The following PAPSS1 variants were observed in gnomAD, a reference collection of about 807,000 sequenced individuals.
The protein encoded by PAPSS1 is bifunctional 3'-phosphoadenosine 5'-phosphosulfate synthase 1.
PAPSS1 carries 50 observed loss-of-function variants against 72.0 expected under a neutral mutation model. The ratio of observed to expected loss-of-function variants is 0.69; its 90% CI spans 0.55 to 0.88. The LOEUF is 0.88. PAPSS1 is among the 40% of genes least tolerant of loss of function. The probability of loss-of-function intolerance (pLI) is 0.00; values close to 1 mark genes in which losing one functional copy is unlikely to be tolerated. For synonymous variants in PAPSS1, 261 were observed against 263.6 expected (o/e 0.99, Z 0.09); for missense variants, 657 against 782.2 (o/e 0.84, Z 1.91).
intron 3 of PAPSS1, among the ~76,000 whole-genome samples, chr4:107,689,205 G>C (rs1722858202): frequency 6.6e-6 from 1 of 152,192 alleles, no homozygotes; most frequent in African/African-American, 2.4e-5. Flanking sequence ...GAGACTCTCT[G>C]CCACTACTGG....
intron 11 of PAPSS1, among the ~76,000 whole-genome samples, chr4:107,614,899 T>G (rs920534138): frequency 1.3e-5 from 2 of 152,112 alleles, no homozygotes; most frequent in South Asian, 2.1e-4. Flanking sequence ...GTTGCCCTTT[T>G]ATAGTCATAC....
chr4:107,690,197 CT>C (rs1342182900), intron 3 of PAPSS1, among the ~76,000 whole-genome samples: 7 of 152,164 alleles, frequency 4.6e-5, no homozygotes, highest in African/African-American at 7.2e-5. Flanking sequence ...CTATTAACTC[CT>C]TTTGGGGCAA....
chr4:107,628,996 G>C (rs1419845080), intron 11 of PAPSS1, among the ~76,000 whole-genome samples: 1 of 152,066 alleles, frequency 6.6e-6, no homozygotes, highest in Non-Finnish European at 1.5e-5. Context: ...AGATACAAGG[G>C]GCCTCCAAAA....
At chr4:107,681,614 A>T (rs1335525522) in intron 5 of PAPSS1, among the ~76,000 whole-genome samples, 1 of 152,150 alleles carries the variant, frequency 6.6e-6, no homozygotes, top group Non-Finnish European at 1.5e-5. Flanking sequence ...TCATCATGTT[A>T]TCACAAGGAA....
At position 107,687,191 on chromosome 4, in the gene PAPSS1, A is replaced by T; in HGVS notation, c.412-14T>A. The T allele has an allele frequency of 2.6e-6, 4 of 1,539,832 alleles. No individual in the cohort carries two copies. On this transcript the variant is annotated splice_polypyrimidine_tract_variant and intron_variant, in intron 3 of 11. Transcript: ENST00000265174. Reference sequence around the variant, plus strand: ...ATTGTTGCGATCCTTAAAAAAAAATAAAATAAAAAGTGATCACACAAATCA... The same window carrying T: ...ATTGTTGCGATCCTTAAAAAAAAATTAAATAAAAAGTGATCACACAAATCA...
At chr4:107,632,322 T>G (rs1429795283) in intron 10 of PAPSS1, among the ~76,000 whole-genome samples, 2 of 152,210 alleles carry the variant, frequency 1.3e-5, no homozygotes, top group East Asian at 3.9e-4. Flanking sequence ...TAGGGTGTGC[T>G]CACTGTAAAA....
intron 8 of PAPSS1, among the ~76,000 whole-genome samples, chr4:107,654,186 CTTCT>C (rs1726934106): frequency 1.3e-5 from 2 of 152,192 alleles, no homozygotes; most frequent in Non-Finnish European, 2.9e-5. Flanking sequence ...ATGTGCCCAG[CTTCT>C]TTCTCAGTCT....
intron 1 of PAPSS1, among the ~76,000 whole-genome samples, chr4:107,717,894 C>G (rs1406901178): frequency 6.6e-6 from 1 of 152,200 alleles, no homozygotes; most frequent in Non-Finnish European, 1.5e-5. Context: ...GCAGCTACTC[C>G]TCTAGTCCCA....
intron 5 of PAPSS1, among the ~76,000 whole-genome samples, chr4:107,678,491 C>T (rs976334610): frequency 4.6e-5 from 7 of 151,918 alleles, no homozygotes; most frequent in East Asian, 1.9e-4. Context: ...GAACTGCTTC[C>T]GAAGAGTGAC....
intron 4 of PAPSS1, among the ~76,000 whole-genome samples, chr4:107,683,323 C>T (rs971112878): frequency 6.0e-5 from 9 of 151,242 alleles, no homozygotes; most frequent in South Asian, 2.1e-4. Context: ...TCTGCGTTAC[C>T]GGTATTCCCA....
chr4:107,693,731 T>C (rs1160585493), intron 3 of PAPSS1, 40 bp downstream of exon 3: 4 of 1,412,106 alleles, frequency 2.8e-6, no homozygotes, highest in Middle Eastern at 3.5e-4. Flanking sequence ...ATATTCTCAA[T>C]AAATGTAAGC....
At chr4:107,655,105 TAAAAAA>T (rs61591737) in intron 7 of PAPSS1, among the ~76,000 whole-genome samples, 1 of 117,726 alleles carries the variant, frequency 8.5e-6, no homozygotes, top group Admixed American at 8.8e-5. Flanking sequence ...TCTCCCAAGT[TAAAAAA>T]AAAAAAAAAA....
chr4:107,708,445 T>C (rs1723397292), intron 1 of PAPSS1, among the ~76,000 whole-genome samples: 1 of 152,242 alleles, frequency 6.6e-6, no homozygotes, highest in African/African-American at 2.4e-5. Context: ...CCTGTTTGGC[T>C]TGGTCATTTT....
At chr4:107,698,305 C>CA (rs1313969372) in intron 2 of PAPSS1, among the ~76,000 whole-genome samples, 4 of 152,132 alleles carry the variant, frequency 2.6e-5, no homozygotes, top group African/African-American at 7.2e-5. Flanking sequence ...ACATCATTAT[C>CA]AAAAAACATA....
At chr4:107,707,301 C>T (rs1723362400) in intron 1 of PAPSS1, among the ~76,000 whole-genome samples, 1 of 152,176 alleles carries the variant, frequency 6.6e-6, no homozygotes, top group African/African-American at 2.4e-5. Flanking sequence ...TGACAGCCAG[C>T]CTGGTACTAA....
chr4:107,670,707 A>G (rs1000991073), intron 5 of PAPSS1, among the ~76,000 whole-genome samples: 1 of 151,912 alleles, frequency 6.6e-6, no homozygotes, highest in Admixed American at 6.6e-5. Flanking sequence ...TTTTTAAAAA[A>G]AATTTTTGGA....
At chr4:107,698,983 C>T (rs576646396) in intron 2 of PAPSS1, among the ~76,000 whole-genome samples, 18 of 152,042 alleles carry the variant, frequency 1.2e-4, no homozygotes, top group Non-Finnish European at 2.2e-4. Flanking sequence ...GCCATCCCGT[C>T]CCAATTGAGG....
chr4:107,690,922 C>A (rs1197482797), intron 3 of PAPSS1, among the ~76,000 whole-genome samples: 1 of 152,048 alleles, frequency 6.6e-6, no homozygotes, highest in Non-Finnish European at 1.5e-5. Context: ...CTGCAAGATT[C>A]CCACCAGAAG....
intron 10 of PAPSS1, among the ~76,000 whole-genome samples, chr4:107,644,168 C>A (rs1023787673): frequency 1.3e-5 from 2 of 152,094 alleles, no homozygotes; most frequent in Non-Finnish European, 2.9e-5. Flanking sequence ...CTGCAGCTAG[C>A]ATATTGACAC....
Sources: gnomAD v4.1 joint callset for allele counts (sites outside exome capture counted in the v4.1 genomes callset) on GRCh38, gnomAD v4.1.1 for gene constraint, MANE v1.5 for transcripts, NCBI Gene and HGNC (gene_info 2026-07-23, HGNC 2026-07-21) for gene names.